CYTH3: variants seen among roughly 807,000 people sequenced by gnomAD.
CYTH3 encodes the protein cytohesin 3, also known as cytohesin-3.
A neutral mutation model predicts 55.1 loss-of-function variants in CYTH3; 23 were observed. The ratio of observed to expected loss-of-function variants is 0.42; its 90% CI spans 0.30 to 0.59. CYTH3 has a LOEUF of 0.59. Ranked by LOEUF, CYTH3 falls within the 20% of genes least tolerant of loss-of-function variation. The probability of loss-of-function intolerance (pLI) is 0.20; values close to 1 mark genes in which losing one functional copy is unlikely to be tolerated. For synonymous variants in CYTH3, 249 were observed against 194.9 expected (o/e 1.28, Z -2.31); for missense variants, 413 against 524.8 (o/e 0.79, Z 2.08).
intron 4 of CYTH3, among the ~76,000 whole-genome samples, chr7:6,186,590 T>C (rs1291716471): frequency 6.6e-6 from 1 of 152,182 alleles, no homozygotes; most frequent in East Asian, 1.9e-4. Context: ...AATGGAGGAA[T>C]AAAGTCCTCT....
chr7:6,267,136 C>T (rs1780517612), intron 1 of CYTH3, among the ~76,000 whole-genome samples: 1 of 152,222 alleles, frequency 6.6e-6, no homozygotes, highest in African/African-American at 2.4e-5. Context: ...CTTCACCTTC[C>T]ATTATGAGTA....
chr7:6,264,018 C>T (rs1266451254), intron 1 of CYTH3, among the ~76,000 whole-genome samples: 3 of 150,838 alleles, frequency 2.0e-5, no homozygotes, highest in Admixed American at 6.6e-5. Context: ...AGGCTGAGGC[C>T]GGCAGATCAT....
intron 5 of CYTH3, among the ~76,000 whole-genome samples, chr7:6,176,513 G>A (rs780987505): frequency 5.3e-5 from 8 of 151,804 alleles, no homozygotes; most frequent in African/African-American, 9.7e-5. Context: ...TGCCCACCTC[G>A]GCCTCCCAAA....
At position 6,228,608 on chromosome 7, in the gene CYTH3, C is replaced by T. The variant is rs1312366171; in HGVS notation, c.35-38077G>A. Among the ~76,000 whole-genome samples, 47 of 152,134 alleles carry T rather than the reference C, an allele frequency of 3.1e-4. 1 individual carries two copies. Among genetic ancestry groups the T allele is most frequent in the Non-Finnish European group, 1.5e-5 (1 of 68,022 alleles). On this transcript the variant is annotated intron_variant, in intron 1 of 12. Transcript: ENST00000350796. ...AACACAAGTAGAGGAAGCAAAAGAACTTCTTATCTGCATCCAAACCATGCT... is the reference window on the plus strand; with the variant it reads ...AACACAAGTAGAGGAAGCAAAAGAATTTCTTATCTGCATCCAAACCATGCT...
At chr7:6,236,357 C>T (rs920320402) in intron 1 of CYTH3, among the ~76,000 whole-genome samples, 12 of 125,996 alleles carry the variant, frequency 9.5e-5, no homozygotes, top group Admixed American at 7.1e-4. Flanking sequence ...GCGCACACTA[C>T]GCCTGACTTT....
At chr7:6,232,260 T>A (rs1342379747) in intron 1 of CYTH3, among the ~76,000 whole-genome samples, 1 of 152,122 alleles carries the variant, frequency 6.6e-6, no homozygotes, top group African/African-American at 2.4e-5. Flanking sequence ...ACAGCCAGAT[T>A]CAAGGAGGCC....
At chr7:6,257,693 G>A (rs1018696309) in intron 1 of CYTH3, among the ~76,000 whole-genome samples, 3 of 152,160 alleles carry the variant, frequency 2.0e-5, no homozygotes, top group Non-Finnish European at 2.9e-5. Flanking sequence ...CGCACTCTAT[G>A]GCGAGGAGAT....
intron 1 of CYTH3, among the ~76,000 whole-genome samples, chr7:6,231,638 AAT>A (rs1400564364): frequency 6.6e-6 from 1 of 152,222 alleles, no homozygotes; most frequent in Non-Finnish European, 1.5e-5. Context: ...CTACCAAACA[AAT>A]ATGAGTCTTT....
intron 1 of CYTH3, among the ~76,000 whole-genome samples, chr7:6,242,175 C>CA (rs1779690587): frequency 6.6e-6 from 1 of 151,942 alleles, no homozygotes; most frequent in African/African-American, 2.4e-5. Flanking sequence ...CTCCCAGGTT[C>CA]ACACCATTCT....
chr7:6,250,700 T>C (rs1375662170), intron 1 of CYTH3, among the ~76,000 whole-genome samples: 1 of 152,148 alleles, frequency 6.6e-6, no homozygotes, highest in East Asian at 1.9e-4. Flanking sequence ...TGACAGCTAA[T>C]GGGGCCCAGG....
chr7:6,223,309 T>C (rs1403438631), intron 1 of CYTH3, among the ~76,000 whole-genome samples: 1 of 152,156 alleles, frequency 6.6e-6, no homozygotes, highest in Non-Finnish European at 1.5e-5. Flanking sequence ...CCGCCCCGTC[T>C]GGGAAGTGTA....
At chr7:6,172,663 G>A (rs1783232334) in intron 6 of CYTH3, 2 of 1,015,236 alleles carry the variant, frequency 2.0e-6, no homozygotes, top group African/African-American at 3.5e-5. Context: ...TCTCGCCAGA[G>A]ACTGATGGAC....
At chr7:6,216,704 G>A (rs1305445602) in intron 1 of CYTH3, among the ~76,000 whole-genome samples, 1 of 151,882 alleles carries the variant, frequency 6.6e-6, no homozygotes, top group Non-Finnish European at 1.5e-5. Flanking sequence ...TCACACTACT[G>A]CACTCCAATC....
intron 1 of CYTH3, among the ~76,000 whole-genome samples, chr7:6,268,244 C>T (rs1467375137): frequency 5.9e-5 from 9 of 152,082 alleles, no homozygotes; most frequent in South Asian, 4.1e-4. Context: ...TCTCACTCAC[C>T]GCAACCTGCA....
rs1010400512 is a variant in CYTH3 at position 6,218,932 on chromosome 7, G to A, written c.35-28401C>T. On this transcript the variant is annotated intron_variant, in intron 1 of 12. Coordinates refer to ENST00000350796, the MANE Select transcript of CYTH3 (RefSeq NM_004227.4). ...AGGCAGGAGAATCGCTTGAACCCGG[G>A]AGGCGGAGGTTGCAGTGAGCCGACA... Among the ~76,000 whole-genome samples, 5 of 151,348 alleles carry A rather than the reference G, an allele frequency of 3.3e-5. No individual in the cohort carries two copies. The East Asian group carries it at 9.7e-4, about 29-fold the overall frequency.
chr7:6,175,493 T>C (rs1043770859), intron 5 of CYTH3, among the ~76,000 whole-genome samples: 1 of 152,052 alleles, frequency 6.6e-6, no homozygotes, highest in African/African-American at 2.4e-5. Context: ...CCATCATTTA[T>C]GTATGTGTAT....
intron 1 of CYTH3, among the ~76,000 whole-genome samples, chr7:6,217,825 G>A (rs566270216): frequency 1.1e-4 from 17 of 152,154 alleles, no homozygotes; most frequent in African/African-American, 4.1e-4. Context: ...TAGAACTTGT[G>A]AATGTTAACT....
chr7:6,228,153 C>T (rs976966272), intron 1 of CYTH3, among the ~76,000 whole-genome samples: 2 of 152,214 alleles, frequency 1.3e-5, no homozygotes, highest in Admixed American at 6.5e-5. Flanking sequence ...TTCCTTGATT[C>T]TCTATTCCCT....
chr7:6,224,084 C>G (rs1471086390), intron 1 of CYTH3, among the ~76,000 whole-genome samples: 4 of 151,918 alleles, frequency 2.6e-5, no homozygotes, highest in Non-Finnish European at 5.9e-5. Flanking sequence ...AGAAAAAAAG[C>G]AAATGAGAAG....
Sources: allele counts gnomAD v4.1 joint callset (sites outside exome capture counted in the v4.1 genomes callset), GRCh38; gene constraint gnomAD v4.1.1; transcripts MANE v1.5; gene names NCBI Gene and HGNC (gene_info 2026-07-23, HGNC 2026-07-21).